MAGEA4: variants seen among roughly 807,000 people sequenced by gnomAD.
MAGEA4 encodes the protein MAGE family member A4.
Under a neutral mutation model 13.7 loss-of-function variants are expected in MAGEA4, and 1 was observed. The observed-to-expected ratio is 0.07, with a 90% CI of 0.03 to 0.35. MAGEA4 has a LOEUF of 0.35. Among genes scored for constraint, MAGEA4 ranks in the 10% least tolerant of loss-of-function variants. MAGEA4 has a pLI of 0.99. For synonymous variants in MAGEA4, 132 were observed against 101.1 expected (o/e 1.31, Z -1.83); for missense variants, 312 against 245.1 (o/e 1.27, Z -1.82).
chrX:151,919,529 C>T, intron 1 of MAGEA4: 1 of 401,061 alleles, frequency 2.5e-6, no homozygotes, highest in Non-Finnish European at 3.1e-6. Context: ...GCCCCCTCCA[C>T]CGACCTCACT....
intron 1 of MAGEA4, among the ~76,000 whole-genome samples, 196 bp downstream of exon 1, chrX:151,913,165 G>A (rs1278780673): frequency 9.1e-6 from 1 of 109,873 alleles, no homozygotes; most frequent in Admixed American, 9.6e-5. Flanking sequence ...GTGCAAGACT[G>A]GTGGGGGCAG....
chrX:151,912,506 C>T (rs1036931676), upstream of MAGEA4: 2 of 365,392 alleles, frequency 5.5e-6, no homozygotes, highest in Non-Finnish European at 1.1e-5. Flanking sequence ...TCGAGATCCA[C>T]GGAGGGAAGC....
chrX:151,921,972 G>A (rs951207463), intron 1 of MAGEA4, among the ~76,000 whole-genome samples: 41 of 111,785 alleles, frequency 3.7e-4, no homozygotes, highest in African/African-American at 1.3e-3. Context: ...AAAGGAAGAC[G>A]AGGGAGGATT....
chrX:151,919,630 C>G, intron 1 of MAGEA4: 54 of 750,470 alleles, frequency 7.2e-5, no homozygotes, highest in Non-Finnish European at 8.5e-5. Context: ...CACTGACTTG[C>G]GCATTGGGGG....
At chrX:151,921,530 G>A (rs1984669808) in intron 1 of MAGEA4, among the ~76,000 whole-genome samples, 1 of 112,648 alleles carries the variant, frequency 8.9e-6, no homozygotes, top group Admixed American at 9.3e-5. Context: ...GTGTGCCCAA[G>A]GCAGGGCCCA....
At chrX:151,918,716 C>T (rs867939181) in intron 1 of MAGEA4, among the ~76,000 whole-genome samples, 1 of 36,705 alleles carries the variant, frequency 2.7e-5, no homozygotes, top group Non-Finnish European at 5.4e-5. Flanking sequence ...CCCCCCACCT[C>T]TCTCATACCG....
intron 1 of MAGEA4, chrX:151,919,869 G>C (rs754939586): frequency 4.9e-6 from 2 of 410,289 alleles, no homozygotes; most frequent in African/African-American, 5.5e-5. Context: ...CTCTGAAGTC[G>C]CACGGGACTC....
At chrX:151,919,660 T>G (rs1159945677) in intron 1 of MAGEA4, 31 of 751,189 alleles carry the variant, frequency 4.1e-5, no homozygotes, top group Non-Finnish European at 4.9e-5. Context: ...AGCGAGCTGC[T>G]CTGTCTGACC....
chrX:151,924,682 G>A lies in MAGEA4; in HGVS notation c.*64G>A. ...CTGGGCCAGTGCATCTAACAGCCCT[G>A]TGCAGCAGCTTCCCTTGCCTCGTGT... On this transcript the variant is annotated 3_prime_UTR_variant, in exon 3 of 3. Transcript: ENST00000276344. 1 of 1,081,376 alleles carries A rather than the reference G, an allele frequency of 9.2e-7. No homozygotes were observed. Among genetic ancestry groups the A allele is most frequent in the Non-Finnish European group, 1.2e-6 (1 of 814,839 alleles). 89.1% of individuals were successfully genotyped at this position (1,081,376 alleles called of 1,213,427 possible).
At position 151,923,622 on chromosome X, in the gene MAGEA4, G is replaced by A. The variant is rs372125339; in HGVS notation, c.-43G>A. The A allele has an allele frequency of 1.9e-5, 23 of 1,209,409 alleles. No homozygotes were observed. Among genetic ancestry groups the A allele is most frequent in the Non-Finnish European group, 1.9e-5 (17 of 895,213 alleles). ...TAGGCCTGTGGGTCCCCATTGCCCA[G>A]CTTTTGCCTGCACTCTTGCCTGCTG... On this transcript the variant is annotated 5_prime_UTR_variant, in exon 3 of 3. Transcript: ENST00000276344.
At chrX:151,912,832 A>C, upstream of MAGEA4, 1 of 117,912 alleles carries the variant, frequency 8.5e-6, no homozygotes, top group Non-Finnish European at 1.6e-5. Flanking sequence ...CCCGCTTTCA[A>C]CCAAGGAAAG....
At chrX:151,919,779 A>C (rs991639125) in intron 1 of MAGEA4, 24 of 744,568 alleles carry the variant, frequency 3.2e-5, no homozygotes, top group Non-Finnish European at 3.8e-5. Context: ...AATCCCAAAT[A>C]ATCCCGAACC....
Position 151,917,926 on chromosome X carries a change from A to G in MAGEA4, c.-138+4957A>G, listed in dbSNP as rs1376613580. Among the ~76,000 whole-genome samples the G allele has an allele frequency of 6.6e-5, 6 of 90,856 alleles. No homozygotes were observed. The East Asian group carries it at 2.3e-3, about 35-fold the overall frequency. The allele number at this position is 90,856 out of a possible 115,157, so 78.9% of individuals were successfully genotyped here. ...AGGACCCTAAGAGAGGGCTAAGCGT[A>G]CCCCACCCCTATTCCCATCCCCCAC... On this transcript the variant is annotated intron_variant, in intron 1 of 2. Coordinates refer to ENST00000276344, the MANE Select transcript of MAGEA4 (RefSeq NM_001011548.1).
chrX:151,913,944 C>T (rs1444646101), intron 1 of MAGEA4: 1 of 88,382 alleles, frequency 1.1e-5, no homozygotes, highest in Non-Finnish European at 2.2e-5. Context: ...CCTCTTCAAC[C>T]CCCCACCTCT....
intron 1 of MAGEA4, among the ~76,000 whole-genome samples, chrX:151,918,001 C>A (rs1603067468): frequency 1.3e-5 from 1 of 77,679 alleles, no homozygotes; most frequent in Non-Finnish European, 2.5e-5. Flanking sequence ...ATCCCCGCCC[C>A]CATCCCCCAC....
At chrX:151,921,351 G>A (rs2124104429) in intron 1 of MAGEA4, among the ~76,000 whole-genome samples, 1 of 112,491 alleles carries the variant, frequency 8.9e-6, no homozygotes, top group South Asian at 3.7e-4. Context: ...GGCAAGGTGA[G>A]ACTCTGAGGA....
chrX:151,923,502 G>A lies in MAGEA4; in HGVS notation c.-88G>A. On this transcript the variant is annotated 5_prime_UTR_variant, in exon 2 of 3. Transcript: ENST00000276344. ...AGGACAGGATTCCCTGGAGGCCACA[G>A]AGGAGCACCAAGGAGAAGATCTGTA... is the stretch of plus-strand genomic sequence containing the variant. 1 of 1,203,411 alleles carries A rather than the reference G, an allele frequency of 8.3e-7. No individual in the cohort carries two copies. The highest frequency in any genetic ancestry group is 1.1e-6 in the Non-Finnish European group (1 of 892,345).
intron 1 of MAGEA4, among the ~76,000 whole-genome samples, chrX:151,920,966 C>G (rs1057226799): frequency 9.0e-6 from 1 of 111,220 alleles, no homozygotes; most frequent in South Asian, 3.8e-4. Flanking sequence ...ACCTCCGCCC[C>G]CTTCGCAACG....
intron 1 of MAGEA4, among the ~76,000 whole-genome samples, chrX:151,921,208 C>G (rs978019005): frequency 6.2e-5 from 7 of 112,534 alleles, no homozygotes; most frequent in Non-Finnish European, 1.3e-4. Context: ...AATCCAGTTC[C>G]CCTTCTGCTA....
Sources: allele counts gnomAD v4.1 joint callset (sites outside exome capture counted in the v4.1 genomes callset), GRCh38; gene constraint gnomAD v4.1.1; transcripts MANE v1.5; gene names NCBI Gene and HGNC (gene_info 2026-07-23, HGNC 2026-07-21).